FAM107B: variants seen among roughly 807,000 people sequenced by gnomAD.
The protein encoded by FAM107B is protein FAM107B.
In FAM107B, 21 loss-of-function variants were observed where a neutral mutation model predicts 31.5. The observed-to-expected ratio is 0.67, with a 90% confidence interval of 0.47 to 0.96. The LOEUF is 0.96. Ranked by LOEUF, FAM107B falls within the 40% of genes least tolerant of loss-of-function variation. The probability of loss-of-function intolerance (pLI) is 0.00; values close to 1 mark genes in which losing one functional copy is unlikely to be tolerated. For missense variants in FAM107B, 452 were observed against 377.1 expected, an observed-to-expected ratio of 1.20 and a Z score of -1.64; for synonymous variants, 157 against 141.5, an observed-to-expected ratio of 1.11 and a Z score of -0.78.
chr10:14,636,863 G>A (rs1853512362), intron 2 of FAM107B, among the ~76,000 whole-genome samples: 1 of 152,126 alleles, frequency 6.6e-6, no homozygotes, highest in Non-Finnish European at 1.5e-5. Context: ...TGAGTTGATG[G>A]CCCATGCAGC....
At chr10:14,594,515 AAAC>A (rs1408868970) in intron 2 of FAM107B, among the ~76,000 whole-genome samples, 6 of 136,522 alleles carry the variant, frequency 4.4e-5, no homozygotes, top group Admixed American at 3.5e-4. Context: ...AAAAAAAAAA[AAAC>A]AAAAAAAAAC....
intron 2 of FAM107B, among the ~76,000 whole-genome samples, chr10:14,559,638 C>T (rs956761347): frequency 6.6e-6 from 1 of 151,032 alleles, no homozygotes; most frequent in Non-Finnish European, 1.5e-5. Flanking sequence ...GGCGCAATCT[C>T]GGCTCACTGC....
At chr10:14,723,928 C>T (rs1855971675) in intron 1 of FAM107B, 2 of 751,376 alleles carry the variant, frequency 2.7e-6, no homozygotes, top group East Asian at 2.5e-5. Flanking sequence ...GATGCCATCA[C>T]TTTTCCTTTT....
intron 2 of FAM107B, among the ~76,000 whole-genome samples, chr10:14,589,642 A>G (rs994985703): frequency 6.6e-6 from 1 of 152,140 alleles, no homozygotes; most frequent in Non-Finnish European, 1.5e-5. Flanking sequence ...ATAAGAGTAC[A>G]TTCTTGGGGG....
At chr10:14,540,151 G>A (rs1166406449) in intron 2 of FAM107B, among the ~76,000 whole-genome samples, 2 of 152,170 alleles carry the variant, frequency 1.3e-5, no homozygotes, top group African/African-American at 4.8e-5. Flanking sequence ...CTTATTCCTA[G>A]GGCAATGGCT....
At chr10:14,720,317 G>A (rs1005400308) in intron 1 of FAM107B, among the ~76,000 whole-genome samples, 4 of 152,022 alleles carry the variant, frequency 2.6e-5, no homozygotes, top group Admixed American at 6.6e-5. Flanking sequence ...GCAGTGGCAC[G>A]ATCTTGGCTC....
intron 3 of FAM107B, among the ~76,000 whole-genome samples, chr10:14,523,256 A>G (rs1845858547): frequency 6.6e-6 from 1 of 152,228 alleles, no homozygotes; most frequent in Non-Finnish European, 1.5e-5. Flanking sequence ...CACTTATCTT[A>G]GCCAGTCTCT....
intron 2 of FAM107B, chr10:14,548,777 C>A (rs999195044): frequency 8.2e-6 from 3 of 365,292 alleles, no homozygotes; most frequent in Non-Finnish European, 7.6e-6. Context: ...GGGATGGCAA[C>A]GGCTGTCAGG....
At chr10:14,718,620 G>C (rs1855838039) in intron 1 of FAM107B, among the ~76,000 whole-genome samples, 1 of 152,194 alleles carries the variant, frequency 6.6e-6, no homozygotes, top group African/African-American at 2.4e-5. Context: ...TAGGTGAGCA[G>C]TAGGAAGAAT....
chr10:14,702,345 T>C (rs2131525582), intron 1 of FAM107B, among the ~76,000 whole-genome samples: 1 of 152,336 alleles, frequency 6.6e-6, no homozygotes, highest in South Asian at 2.1e-4. Flanking sequence ...TGTATCATTA[T>C]TTATTTTATG....
intron 2 of FAM107B, among the ~76,000 whole-genome samples, chr10:14,615,408 A>G (rs996602464): frequency 5.3e-5 from 8 of 152,166 alleles, no homozygotes; most frequent in African/African-American, 1.9e-4. Context: ...GAATTAATGG[A>G]TATCTTTTGG....
At chr10:14,604,110 G>C in intron 2 of FAM107B, 1 of 489,112 alleles carries the variant, frequency 2.0e-6, no homozygotes, top group Non-Finnish European at 2.6e-6. Flanking sequence ...TCCCGCGCAC[G>C]GGGACCCCCC....
intron 3 of FAM107B, among the ~76,000 whole-genome samples, chr10:14,523,925 G>T (rs1300860835): frequency 6.7e-6 from 1 of 149,106 alleles, no homozygotes; most frequent in East Asian, 2.0e-4. Flanking sequence ...GGAGTGCAGC[G>T]GCATGATCTC....
chr10:14,523,416 G>A (rs773560398), intron 3 of FAM107B, among the ~76,000 whole-genome samples: 9 of 152,218 alleles, frequency 5.9e-5, no homozygotes, highest in African/African-American at 9.6e-5. Flanking sequence ...TGCTACGCAC[G>A]CAGGCATGTG....
At chr10:14,622,849 T>C (rs1853049777) in intron 2 of FAM107B, among the ~76,000 whole-genome samples, 2 of 152,226 alleles carry the variant, frequency 1.3e-5, no homozygotes, top group Admixed American at 1.3e-4. Flanking sequence ...AACATAAATC[T>C]TCTGATTGGA....
At chr10:14,714,954 AC>A (rs1402317068) in intron 1 of FAM107B, among the ~76,000 whole-genome samples, 2 of 152,300 alleles carry the variant, frequency 1.3e-5, no homozygotes, top group Non-Finnish European at 2.9e-5. Flanking sequence ...CCAGCAAGAG[AC>A]CACCAAATAT....
In FAM107B at chr10:14,579,099, T is replaced by G. The variant is rs560524386; in HGVS notation, c.470-48584A>C. ...ACCTAGAAAAAACCCATTCGTTGTA[T>G]GAAGCACTCGGCTCAAGTCCATAAA... is the stretch of plus-strand genomic sequence containing the variant. On this transcript the variant is annotated intron_variant, in intron 2 of 4. Coordinates refer to ENST00000181796, the MANE Select transcript of FAM107B (RefSeq NM_031453.4). Among the ~76,000 whole-genome samples the G allele has an allele frequency of 3.3e-5, 5 of 152,380 alleles. No individual in the cohort carries two copies. In the South Asian group the frequency reaches 1.0e-3, roughly 32 times the overall value.
chr10:14,568,934 G>T (rs551963592), intron 2 of FAM107B, among the ~76,000 whole-genome samples: 3 of 152,290 alleles, frequency 2.0e-5, no homozygotes, highest in South Asian at 2.1e-4. Context: ...AGGAGAGCTG[G>T]CATCTGACGA....
intron 1 of FAM107B, among the ~76,000 whole-genome samples, chr10:14,738,533 A>G (rs1221376771): frequency 6.6e-6 from 1 of 152,156 alleles, no homozygotes; most frequent in Non-Finnish European, 1.5e-5. Context: ...TTCAACTCCA[A>G]AAGATTCCCT....
Sources: allele counts gnomAD v4.1 joint callset (sites outside exome capture counted in the v4.1 genomes callset), GRCh38; gene constraint gnomAD v4.1.1; transcripts MANE v1.5; gene names NCBI Gene and HGNC (gene_info 2026-07-23, HGNC 2026-07-21).